AXDND1: variants seen among roughly 807,000 people sequenced by gnomAD.
The protein encoded by AXDND1 is axonemal dynein light chain domain-containing protein 1.
Under a neutral mutation model 137.5 loss-of-function variants are expected in AXDND1, and 110 were observed. The ratio of observed to expected loss-of-function variants is 0.80; its 90% CI spans 0.69 to 0.94. The LOEUF (loss-of-function observed/expected upper bound fraction) is 0.94. Among genes scored for constraint, AXDND1 ranks in the 40% least tolerant of loss-of-function variants. The pLI is 0.00. For missense variants in AXDND1, 1,191 were observed against 1,169.8 expected (o/e 1.02, Z -0.26); for synonymous variants, 414 against 399.7 (o/e 1.04, Z -0.43).
At chr1:179,453,470 A>T (rs1405276404) in intron 16 of AXDND1, 1 of 152,418 alleles carries the variant, frequency 6.6e-6, no homozygotes, top group Non-Finnish European at 1.5e-5. Flanking sequence ...CCTGGATGTG[A>T]CACGTGGAGT....
At position 179,492,344 on chromosome 1, in the gene AXDND1, G is replaced by A. The variant is rs1044707879; in HGVS notation, c.2292-511G>A. Among the ~76,000 whole-genome samples the A allele has an allele frequency of 2.6e-5, 4 of 151,712 alleles. No individual in the cohort carries two copies. The East Asian group carries it at 7.8e-4, about 29-fold the overall frequency. On this transcript the variant is annotated intron_variant, in intron 19 of 25. Coordinates refer to ENST00000367618, the MANE Select transcript of AXDND1 (RefSeq NM_144696.6). ...CCCACCTTGGCCTCCCAAAGTCCTG[G>A]AATTACAGCCATGAGCCACCATGCC...
At chr1:179,468,923 T>A (rs915238687) in intron 17 of AXDND1, among the ~76,000 whole-genome samples, 1 of 148,520 alleles carries the variant, frequency 6.7e-6, no homozygotes, top group African/African-American at 2.5e-5. Context: ...GATTGTATTG[T>A]TATGAACAAT....
At chr1:179,489,445 T>C (rs1207477552) in intron 18 of AXDND1, among the ~76,000 whole-genome samples, 1 of 152,210 alleles carries the variant, frequency 6.6e-6, no homozygotes, top group Admixed American at 6.5e-5. Context: ...AAATGAGTTG[T>C]TTCAATGATA....
intron 21 of AXDND1, among the ~76,000 whole-genome samples, chr1:179,520,856 GTA>G (rs761563327): frequency 6.8e-5 from 10 of 146,876 alleles, no homozygotes; most frequent in South Asian, 4.3e-4. Flanking sequence ...ACTAGTAACT[GTA>G]TATATATATA....
chr1:179,486,845 G>T (rs1666140313), intron 18 of AXDND1, among the ~76,000 whole-genome samples: 1 of 148,568 alleles, frequency 6.7e-6, no homozygotes, highest in Non-Finnish European at 1.5e-5. Flanking sequence ...ATATGGAAAA[G>T]AAAGACCATT....
intron 11 of AXDND1, among the ~76,000 whole-genome samples, chr1:179,406,379 C>T (rs1652975954): frequency 6.6e-6 from 1 of 152,134 alleles, no homozygotes; most frequent in Admixed American, 6.6e-5. Flanking sequence ...TCCATTTGTT[C>T]TAAAGTATTG....
At chr1:179,380,901 T>A (rs1305440059) in intron 6 of AXDND1, among the ~76,000 whole-genome samples, 2 of 152,176 alleles carry the variant, frequency 1.3e-5, no homozygotes, top group Non-Finnish European at 2.9e-5. Flanking sequence ...CATTTGCTCT[T>A]AAACATACAC....
rs375642136 is a variant in AXDND1, at chr1:179,511,314, A to G, written c.2496+1911A>G. On this transcript the variant is annotated intron_variant, in intron 21 of 25. Transcript: ENST00000367618. ...ATATATATATATATTCCAATCATAT[A>G]CATAATATGATTTTATATATATATA... Among the ~76,000 whole-genome samples the G allele has an allele frequency of 4.7e-4, 70 of 147,502 alleles. 1 individual carries two copies. The South Asian group carries it at 0.015, about 31-fold the overall frequency.
chr1:179,367,808 T>C (rs1354619843), intron 2 of AXDND1, among the ~76,000 whole-genome samples: 1 of 152,304 alleles, frequency 6.6e-6, no homozygotes, highest in East Asian at 1.9e-4. Flanking sequence ...ATGTGCCAAT[T>C]TGTATTAGCT....
intron 4 of AXDND1, among the ~76,000 whole-genome samples, chr1:179,372,680 T>A (rs1267550655): frequency 6.6e-6 from 1 of 151,992 alleles, no homozygotes. Flanking sequence ...TATCTCTAAT[T>A]ATTATTATTA....
At chr1:179,369,513 A>G (rs960498593) in intron 3 of AXDND1, among the ~76,000 whole-genome samples, 10 of 152,150 alleles carry the variant, frequency 6.6e-5, no homozygotes, top group Non-Finnish European at 1.2e-4. Flanking sequence ...TTAGCTGGGC[A>G]TAGTGGCATG....
At chr1:179,398,007 C>T (rs757921708) in intron 11 of AXDND1, among the ~76,000 whole-genome samples, 1 of 152,144 alleles carries the variant, frequency 6.6e-6, no homozygotes, top group Non-Finnish European at 1.5e-5. Flanking sequence ...CCATCTCAGC[C>T]CAGTTCAGAA....
intron 20 of AXDND1, among the ~76,000 whole-genome samples, chr1:179,500,842 T>C (rs960352977): frequency 2.0e-5 from 3 of 152,176 alleles, no homozygotes; most frequent in Non-Finnish European, 4.4e-5. Flanking sequence ...TGGCTAATTT[T>C]TGTATTTTTA....
intron 20 of AXDND1, among the ~76,000 whole-genome samples, chr1:179,506,405 C>T (rs1668537968): frequency 6.6e-6 from 1 of 152,140 alleles, no homozygotes; most frequent in Admixed American, 6.5e-5. Flanking sequence ...CTCTAGCTGG[C>T]GCTCTTCAAA....
chr1:179,395,942 G>A (rs1466095643), intron 11 of AXDND1, among the ~76,000 whole-genome samples: 1 of 152,136 alleles, frequency 6.6e-6, no homozygotes, highest in Non-Finnish European at 1.5e-5. Flanking sequence ...GCTGAGGCAG[G>A]TGGATCACCT....
intron 21 of AXDND1, among the ~76,000 whole-genome samples, chr1:179,513,807 C>T (rs954185203): frequency 6.6e-6 from 1 of 151,902 alleles, no homozygotes; most frequent in African/African-American, 2.4e-5. Context: ...TGTATTTTTC[C>T]AGGAATTTAT....
intron 16 of AXDND1, chr1:179,449,113 T>A (rs1660152371): frequency 2.2e-6 from 1 of 452,800 alleles, no homozygotes; most frequent in African/African-American, 2.0e-5. Flanking sequence ...CTCAAACTTC[T>A]GGGTTCAAGC....
intron 18 of AXDND1, among the ~76,000 whole-genome samples, chr1:179,489,741 C>CTTTTTTT (rs140787885): frequency 9.9e-6 from 1 of 101,292 alleles, no homozygotes; most frequent in Non-Finnish European, 2.0e-5. Context: ...TACTACTTTT[C>CTTTTTTT]TTTTTTTTTT....
At chr1:179,371,333 C>G (rs1252517365) in intron 4 of AXDND1, among the ~76,000 whole-genome samples, 1 of 152,128 alleles carries the variant, frequency 6.6e-6, no homozygotes, top group East Asian at 1.9e-4. Flanking sequence ...GAGGCTAACG[C>G]AGGAGAATTG....
Sources: allele counts gnomAD v4.1 joint callset (sites outside exome capture counted in the v4.1 genomes callset), GRCh38; gene constraint gnomAD v4.1.1; transcripts MANE v1.5; gene names NCBI Gene and HGNC (gene_info 2026-07-23, HGNC 2026-07-21).